The following SCAPER variants were observed in gnomAD, a reference collection of about 807,000 sequenced individuals.
SCAPER encodes S-phase cyclin A associated protein in the ER.
Under a neutral mutation model 182.2 loss-of-function variants are expected in SCAPER, and 98 were observed. The observed-to-expected ratio is 0.54, with a 90% CI of 0.46 to 0.64. SCAPER has a LOEUF of 0.64. SCAPER is among the 30% of genes least tolerant of loss of function. The pLI, the probability that SCAPER is intolerant of heterozygous loss-of-function variation, is 0.00. For synonymous variants in SCAPER, 605 were observed against 564.6 expected (o/e 1.07, Z -1.01); for missense variants, 1,432 against 1,690.0 (o/e 0.85, Z 2.68).
At chr15:76,500,107 A>G (rs2040961905) in intron 24 of SCAPER, among the ~76,000 whole-genome samples, 1 of 152,234 alleles carries the variant, frequency 6.6e-6, no homozygotes, top group South Asian at 2.1e-4. Context: ...TATAACAAGT[A>G]GTTTGGCCCA....
chr15:76,829,531 C>CA (rs2068276842), intron 5 of SCAPER, among the ~76,000 whole-genome samples: 1 of 152,146 alleles, frequency 6.6e-6, no homozygotes, highest in Admixed American at 6.5e-5. Context: ...TTTCCTTCCC[C>CA]ATCAGCTTAG....
chr15:76,474,643 G>C (rs1245018728), intron 24 of SCAPER, among the ~76,000 whole-genome samples: 1 of 152,132 alleles, frequency 6.6e-6, no homozygotes, highest in Non-Finnish European at 1.5e-5. Flanking sequence ...AAGTACTTAG[G>C]ACAGTGCCTG....
At chr15:76,577,602 A>C (rs935425426) in intron 22 of SCAPER, among the ~76,000 whole-genome samples, 2 of 151,994 alleles carry the variant, frequency 1.3e-5, no homozygotes, top group African/African-American at 4.8e-5. Flanking sequence ...CCTGGGCAAA[A>C]AGGGAATGGG....
intron 25 of SCAPER, among the ~76,000 whole-genome samples, chr15:76,437,724 T>C (rs971479988): frequency 6.6e-6 from 1 of 152,184 alleles, no homozygotes; most frequent in African/African-American, 2.4e-5. Flanking sequence ...TATCTAGAAG[T>C]TTTTTTATCC....
intron 23 of SCAPER, among the ~76,000 whole-genome samples, chr15:76,568,995 T>A (rs1444635376): frequency 2.0e-5 from 3 of 152,188 alleles, no homozygotes; most frequent in African/African-American, 7.2e-5. Flanking sequence ...TTTCTATATA[T>A]AACATATCAT....
chr15:76,489,843 C>T (rs1247848808), intron 24 of SCAPER, among the ~76,000 whole-genome samples: 2 of 152,166 alleles, frequency 1.3e-5, no homozygotes, highest in African/African-American at 2.4e-5. Context: ...CTGCTCTCTG[C>T]TTCTGTGAAT....
At chr15:76,484,644 C>T (rs1035048605) in intron 24 of SCAPER, among the ~76,000 whole-genome samples, 9 of 151,890 alleles carry the variant, frequency 5.9e-5, no homozygotes, top group African/African-American at 1.9e-4. Context: ...TTCTATGAGG[C>T]GAGCATCACC....
At chr15:76,888,023 A>G (rs1368203801) in intron 1 of SCAPER, among the ~76,000 whole-genome samples, 1 of 152,202 alleles carries the variant, frequency 6.6e-6, no homozygotes, top group African/African-American at 2.4e-5. Flanking sequence ...TGCTGGTGAT[A>G]CCCAGGCAAA....
intron 20 of SCAPER, among the ~76,000 whole-genome samples, chr15:76,666,333 A>G (rs2056576063): frequency 6.6e-6 from 1 of 152,218 alleles, no homozygotes; most frequent in South Asian, 2.1e-4. Context: ...AACACATCCT[A>G]GAGATGAGAA....
intron 8 of SCAPER, among the ~76,000 whole-genome samples, chr15:76,787,386 T>TTTTA (rs977536019): frequency 6.6e-6 from 1 of 152,168 alleles, no homozygotes; most frequent in Non-Finnish European, 1.5e-5. Context: ...AGAATTTTTC[T>TTTTA]TTTATTTATT....
chr15:76,378,506 G>A (rs960954800), intron 28 of SCAPER, among the ~76,000 whole-genome samples: 8 of 152,150 alleles, frequency 5.3e-5, no homozygotes, highest in Admixed American at 2.6e-4. Context: ...AAACTCATCC[G>A]TTGCTATACA....
intron 24 of SCAPER, among the ~76,000 whole-genome samples, chr15:76,488,345 T>C (rs2051868218): frequency 6.6e-6 from 1 of 152,192 alleles, no homozygotes; most frequent in African/African-American, 2.4e-5. Flanking sequence ...TAATTTGCTT[T>C]ATGTTATATT....
chr15:76,502,888 G>C lies in SCAPER; in HGVS notation c.2954+1971C>G, dbSNP rs189028709. 1.0e-3 allele frequency among the ~76,000 whole-genome samples: 155 copies of C among 152,216 alleles called. 1 individual carries two copies. The highest frequency in any genetic ancestry group is 9.9e-3 in the Admixed American group (151 of 15,282). The stretch of plus-strand genomic sequence containing the variant: ...AAGGAAGTGTGCTAATTCTTGCTTA[G>C]GTCTTTATAGGAACTGTGGACGCCT... On this transcript the variant is annotated intron_variant, in intron 24 of 31. Transcript: ENST00000563290.
chr15:76,728,742 T>C lies in SCAPER; in HGVS notation c.2023-5A>G. The stretch of plus-strand genomic sequence containing the variant: ...CTCTAGAGCTCTCTTGCGTTCCTAA[T>C]GTTAGAAATATTTGTTTCCAATATT... On this transcript the variant is annotated splice_region_variant and splice_polypyrimidine_tract_variant and intron_variant, in intron 16 of 31. Coordinates refer to ENST00000563290, the MANE Select transcript of SCAPER (RefSeq NM_020843.4). 1.2e-6 allele frequency: 2 copies of C among 1,604,182 alleles called. No homozygotes were observed. Among genetic ancestry groups the C allele is most frequent in the Non-Finnish European group, 8.5e-7 (1 of 1,177,102 alleles).
chr15:76,865,290 A>G (rs2072187013), intron 2 of SCAPER, among the ~76,000 whole-genome samples: 1 of 152,160 alleles, frequency 6.6e-6, no homozygotes, highest in Admixed American at 6.5e-5. Flanking sequence ...GAGGAGAGGG[A>G]AAAATCAACT....
At chr15:76,657,529 T>C (rs1197778506) in intron 21 of SCAPER, among the ~76,000 whole-genome samples, 2 of 147,148 alleles carry the variant, frequency 1.4e-5, no homozygotes, top group Non-Finnish European at 3.0e-5. Flanking sequence ...AGGGACACTT[T>C]AACTCATTCT....
In SCAPER at chr15:76,785,975, T is replaced by A. The variant is rs372255611; in HGVS notation, c.772+9305A>T. The stretch of plus-strand genomic sequence containing the variant: ...CACCAACATGGCACATGTATACCTG[T>A]GTAACAAACCTGCATGTTGTGCACA... On this transcript the variant is annotated intron_variant, in intron 8 of 31. Transcript: ENST00000563290. 1.9e-3 allele frequency among the ~76,000 whole-genome samples: 282 copies of A among 152,166 alleles called. 14 individuals are homozygous for A. The South Asian group carries it at 0.057, about 30-fold the overall frequency.
At chr15:76,674,535 G>A (rs758129123) in intron 20 of SCAPER, among the ~76,000 whole-genome samples, 12 of 152,050 alleles carry the variant, frequency 7.9e-5, no homozygotes, top group African/African-American at 1.4e-4. Context: ...ATGCATACTC[G>A]GTGTTTTAAG....
intron 22 of SCAPER, among the ~76,000 whole-genome samples, chr15:76,605,132 T>C (rs1170090931): frequency 2.0e-5 from 3 of 152,146 alleles, no homozygotes; most frequent in African/African-American, 2.4e-5. Context: ...CAGTTTTTGC[T>C]CATTCCGTAT....
Sources: gnomAD v4.1 joint callset for allele counts (sites outside exome capture counted in the v4.1 genomes callset) on GRCh38, gnomAD v4.1.1 for gene constraint, MANE v1.5 for transcripts, NCBI Gene and HGNC (gene_info 2026-07-23, HGNC 2026-07-21) for gene names.